Variants in DOCK8 observed in about 807,000 individuals in gnomAD.
DOCK8 encodes dedicator of cytokinesis 8, also known as dedicator of cytokinesis protein 8.
Under a neutral mutation model 245.6 loss-of-function variants are expected in DOCK8, and 141 were observed. That is an observed-to-expected ratio of 0.57 (90% CI 0.50 to 0.66). The LOEUF is 0.66. DOCK8 is among the 30% of genes least tolerant of loss of function. DOCK8 has a pLI of 0.00. For synonymous variants in DOCK8, 1,168 were observed against 970.2 expected (o/e 1.20, Z -3.79); for missense variants, 2,965 against 2,603.4 (o/e 1.14, Z -3.02).
chr9:411,835 A>G (rs1432297523), intron 28 of DOCK8, among the ~76,000 whole-genome samples: 3 of 152,238 alleles, frequency 2.0e-5, no homozygotes, highest in Non-Finnish European at 2.9e-5. Context: ...GACAAAACCC[A>G]TACAATCATC....
intron 46 of DOCK8, among the ~76,000 whole-genome samples, chr9:453,463 G>T (rs1237158634): frequency 6.6e-6 from 1 of 152,130 alleles, no homozygotes; most frequent in African/African-American, 2.4e-5. Context: ...GTCTCACTCT[G>T]TTGCCCAGGC....
Position 443,513 on chromosome 9 carries a change from C to T in DOCK8, c.5577C>T (p.Asn1859=), listed in dbSNP as rs1587068684. The T allele has an allele frequency of 8.7e-6, 14 of 1,613,554 alleles. No individual in the cohort carries two copies. The East Asian group carries it at 2.7e-4, about 31-fold the overall frequency. Residue 1859 remains asparagine (N), a synonymous_variant, in exon 43 of 48, where the codon AAC becomes AAT. Coordinates refer to ENST00000432829, the MANE Select transcript of DOCK8 (RefSeq NM_203447.4). The part of the protein sequence containing the change: ...TPVDKTKLDP[N]KAYIQITFVE... ...TGGACAAAACCAAGTTGGATCCTAA[C>T]AAGGTATACAAAAATTTACAAAAAC...
Position 418,345 on chromosome 9 carries a change from C to T in DOCK8, c.3840+138C>T, listed in dbSNP as rs914254462. On this transcript the variant is annotated intron_variant, in intron 30 of 47. Coordinates refer to ENST00000432829, the MANE Select transcript of DOCK8 (RefSeq NM_203447.4). ...GGAGTGCAGTGGCGCAATCTCAGTTCACTGCAACCTCCGCCTCCCGGGTTC... is the reference window on the plus strand; with the variant it reads ...GGAGTGCAGTGGCGCAATCTCAGTTTACTGCAACCTCCGCCTCCCGGGTTC... 1.0e-5 allele frequency: 12 copies of T among 1,187,474 alleles called. No individual in the cohort carries two copies. The African/African-American group carries it at 1.5e-4, about 15-fold the overall frequency. The allele number at this position is 1,187,474 out of a possible 1,614,324, so 73.6% of individuals were successfully genotyped here. A position where few individuals can be genotyped will look rare whatever the true frequency, so the allele number is the denominator to read the frequency against.
chr9:357,587 A>ATTTTTTTTTTTTTT (rs112232586), intron 14 of DOCK8, among the ~76,000 whole-genome samples: 25 of 147,428 alleles, frequency 1.7e-4, no homozygotes, highest in African/African-American at 5.7e-4. Context: ...ATTTGATACC[A>ATTTTTTTTTTTTTT]TTTTTTTTTT....
intron 26 of DOCK8, among the ~76,000 whole-genome samples, chr9:401,004 T>C (rs1158419350): frequency 6.1e-4 from 34 of 55,654 alleles, no homozygotes; most frequent in African/African-American, 7.8e-4. Flanking sequence ...ACCACCACCA[T>C]TAGCTCCACC....
intron 2 of DOCK8, among the ~76,000 whole-genome samples, chr9:278,300 A>G (rs1037650116): frequency 6.6e-6 from 1 of 152,274 alleles, no homozygotes. Context: ...TGTTTAGTCC[A>G]TAAAGTACAG....
At chr9:461,517 T>C (rs2057804669) in intron 46 of DOCK8, among the ~76,000 whole-genome samples, 1 of 150,798 alleles carries the variant, frequency 6.6e-6, no homozygotes, top group African/African-American at 2.4e-5. Context: ...TTTTGTCTTT[T>C]AGCAACTGCA....
chr9:262,315 A>G (rs1433461586), intron 1 of DOCK8, among the ~76,000 whole-genome samples: 2 of 151,960 alleles, frequency 1.3e-5, no homozygotes, highest in East Asian at 3.9e-4. Context: ...AAACACTTTA[A>G]CTGGTCATTT....
intron 26 of DOCK8, among the ~76,000 whole-genome samples, chr9:399,884 A>T (rs943626180): frequency 1.3e-5 from 2 of 151,734 alleles, no homozygotes; most frequent in African/African-American, 4.9e-5. Context: ...CCATATCCCT[A>T]ATCTAGCCAC....
At chr9:346,230 T>A (rs182629357) in intron 14 of DOCK8, among the ~76,000 whole-genome samples, 2 of 152,128 alleles carry the variant, frequency 1.3e-5, no homozygotes, top group Non-Finnish European at 2.9e-5. Flanking sequence ...GTGTCCAGAT[T>A]AAGAAAATGC....
chr9:374,395 AAC>A (rs2053428987), intron 18 of DOCK8, among the ~76,000 whole-genome samples: 1 of 151,800 alleles, frequency 6.6e-6, no homozygotes, highest in Non-Finnish European at 1.5e-5. Flanking sequence ...TACATATTGA[AAC>A]AGTCTTTAGG....
At chr9:421,614 C>T (rs1460840297) in intron 32 of DOCK8, among the ~76,000 whole-genome samples, 1 of 152,122 alleles carries the variant, frequency 6.6e-6, no homozygotes, top group African/African-American at 2.4e-5. Flanking sequence ...CCCCAGGTAC[C>T]CTCAGTCTTA....
intron 1 of DOCK8, among the ~76,000 whole-genome samples, chr9:240,575 A>C (rs543901097): frequency 6.6e-6 from 1 of 152,182 alleles, no homozygotes. Context: ...CTATTAATGT[A>C]TTATGGACAA....
intron 6 of DOCK8, chr9:312,447 T>G (rs1180440034): frequency 1.8e-6 from 1 of 556,664 alleles, no homozygotes; most frequent in Non-Finnish European, 3.4e-6. Context: ...CCCAAATGTT[T>G]CAAGGGTCTA....
Position 338,112 on chromosome 9 carries a change from C to T in DOCK8, c.1423-894C>T, listed in dbSNP as rs948186454. On this transcript the variant is annotated intron_variant, in intron 12 of 47. Transcript: ENST00000432829. ...GAGGTTGCAGTGAGCCGAGATTGCC[C>T]CACTGCACTCCAGCCTGGGTGACAG... is the stretch of plus-strand genomic sequence containing the variant. 2.6e-5 allele frequency among the ~76,000 whole-genome samples: 4 copies of T among 151,866 alleles called. No homozygotes were observed. In the East Asian group the frequency reaches 7.7e-4, roughly 29 times the overall value.
intron 1 of DOCK8, chr9:268,297 G>T (rs954611251): frequency 7.2e-5 from 11 of 152,198 alleles, no homozygotes; most frequent in African/African-American, 2.4e-4. Flanking sequence ...AAATAGGAGT[G>T]CTATTAGGTA....
rs747332634 is a variant in DOCK8, at chr9:451,975, ATATTTTTTT to A, written c.5962-34_5962-26del. 16,632 of 219,442 alleles carry A rather than the reference ATATTTTTTT, an allele frequency of 0.076. 385 individuals are homozygous for A. Among genetic ancestry groups the A allele is most frequent in the East Asian group, 0.2 (2,124 of 10,592 alleles). The allele number at this position is 219,442 out of a possible 1,614,324, so 13.6% of individuals were successfully genotyped here. ...TGTGTGTATATATATATATATATAT[ATATTTTTTT>A]TTTTTTTTTTTTTTTTTTCCCACCA... On this transcript the variant is annotated intron_variant, in intron 45 of 47. Transcript: ENST00000432829.
intron 1 of DOCK8, among the ~76,000 whole-genome samples, chr9:271,101 T>TA (rs2048152170): frequency 6.6e-6 from 1 of 152,090 alleles, no homozygotes; most frequent in South Asian, 2.1e-4. Context: ...TGGGAAAAAA[T>TA]ACAATCATTG....
At chr9:338,268 C>T (rs2130908494) in intron 12 of DOCK8, among the ~76,000 whole-genome samples, 1 of 152,304 alleles carries the variant, frequency 6.6e-6, no homozygotes. Flanking sequence ...CATAGCTACG[C>T]AGTCTTCGTG....
Sources: allele counts gnomAD v4.1 joint callset (sites outside exome capture counted in the v4.1 genomes callset), GRCh38; gene constraint gnomAD v4.1.1; transcripts MANE v1.5; gene names NCBI Gene and HGNC (gene_info 2026-07-23, HGNC 2026-07-21).